ZNF534: variants seen among roughly 807,000 people sequenced by gnomAD.
The protein encoded by ZNF534 is KRAB domain only 3.
Under a neutral mutation model 13.6 loss-of-function variants are expected in ZNF534, and 19 were observed. The observed-to-expected ratio is 1.40, with a 90% CI of 0.97 to 2.05. The LOEUF is 2.05. Ranked by LOEUF, ZNF534 falls within the 30% of genes most tolerant of loss-of-function variation. The probability of loss-of-function intolerance (pLI) is 0.00; values close to 1 mark genes in which losing one functional copy is unlikely to be tolerated. For synonymous variants in ZNF534, 244 were observed against 273.8 expected (o/e 0.89, Z 1.07); for missense variants, 782 against 796.3 (o/e 0.98, Z 0.22).
At position 52,437,908 on chromosome 19, in the gene ZNF534, A is replaced by T; in HGVS notation, c.448A>T (p.Ile150Leu). ...SDNSSVSPVQ[I>L]SFFSVKTHIF... ...CAATTCTTCAGTTTCACCAGTTCAA[A>T]TAAGTTTTTTCAGTGTCAAAACCCA... The change falls in exon 5 of 5, where the codon ATA (isoleucine) becomes TTA (leucine). Residue 150 changes from isoleucine to leucine, a missense_variant. Around this residue, in one of 5 missense-constraint regions of ZNF534, gnomAD observed 591 missense variants for 574.0 expected, o/e 1.03. Coordinates refer to ENST00000433050, the MANE Select transcript of ZNF534 (RefSeq NM_001143938.3). The T allele has an allele frequency of 6.2e-7, 1 of 1,613,218 alleles. No homozygotes were observed. The highest frequency in any genetic ancestry group is 1.7e-4 in the Middle Eastern group (1 of 6,060).
intron 1 of ZNF534, among the ~76,000 whole-genome samples, chr19:52,429,705 C>T (rs937162103): frequency 4.0e-5 from 6 of 151,886 alleles, no homozygotes; most frequent in Admixed American, 1.3e-4. Flanking sequence ...AAGCGATTCT[C>T]CCGCCTGGGC....
At chr19:52,451,834 T>C in exon 5 of ZNF534, 1 of 796,016 alleles carries the variant, frequency 1.3e-6, no homozygotes, top group Non-Finnish European at 2.1e-6. Flanking sequence ...GTGATCGAAT[T>C]GCACAGCTCA....
intron 1 of ZNF534, among the ~76,000 whole-genome samples, chr19:52,430,835 C>T (rs773686401): frequency 6.8e-6 from 1 of 147,482 alleles, no homozygotes; most frequent in African/African-American, 2.6e-5. Context: ...CGTGAACCAC[C>T]ACACATGGCC....
exon 5 of ZNF534, chr19:52,452,086 C>A: frequency 5.7e-6 from 1 of 175,128 alleles, no homozygotes; most frequent in African/African-American, 2.4e-5. Context: ...TTTTTATGAT[C>A]AAAGAAGAGA....
chr19:52,432,092 CTATT>C (rs2059091587), intron 2 of ZNF534, among the ~76,000 whole-genome samples: 1 of 151,608 alleles, frequency 6.6e-6, no homozygotes, highest in African/African-American at 2.4e-5. Flanking sequence ...GAAATTACAT[CTATT>C]TATCAGGATG....
In ZNF534 at chr19:52,440,075, CAAAA is replaced by C. The variant is rs2059162543; in HGVS notation, c.*630_*633del. ...AGGAGCAAAACTCTTTCTTTAAAAA[CAAAA>C]CAAAAAAAGTTATGAAGCCTCACAA... On this transcript the variant is annotated 3_prime_UTR_variant, in exon 5 of 5. Coordinates refer to ENST00000433050, the MANE Select transcript of ZNF534 (RefSeq NM_001143938.3). Among the ~76,000 whole-genome samples, 1 of 151,624 alleles carries C rather than the reference CAAAA, an allele frequency of 6.6e-6. No homozygotes were observed. Among genetic ancestry groups the C allele is most frequent in the Admixed American group, 6.6e-5 (1 of 15,236 alleles).
At chr19:52,431,344 G>T in intron 1 of ZNF534, 64 bp from the exon 2 acceptor site, 3 of 1,217,648 alleles carry the variant, frequency 2.5e-6, no homozygotes, top group Non-Finnish European at 1.2e-6. Flanking sequence ...CTTTTTGTGT[G>T]GCTGTGGCAC....
At chr19:52,451,409 G>A (rs958187298) in exon 5 of ZNF534, 10 of 747,566 alleles carry the variant, frequency 1.3e-5, no homozygotes, top group Admixed American at 4.1e-5. Context: ...CTCAGGGCCG[G>A]GCCCGCCCCT....
At chr19:52,451,602 G>A in exon 5 of ZNF534, 1 of 639,980 alleles carries the variant, frequency 1.6e-6, no homozygotes, top group Non-Finnish European at 2.8e-6. Context: ...GATCTGTACA[G>A]TGCCTGTGAT....
chr19:52,443,610 C>T (rs1181651283), downstream of ZNF534, among the ~76,000 whole-genome samples: 6 of 151,986 alleles, frequency 3.9e-5, no homozygotes, highest in Admixed American at 6.6e-5. Context: ...ATTAGTTGGG[C>T]ATGGTGGTGA....
At chr19:52,435,411 T>C (rs2059122621) in intron 4 of ZNF534, among the ~76,000 whole-genome samples, 1 of 152,138 alleles carries the variant, frequency 6.6e-6, no homozygotes, top group Admixed American at 6.5e-5. Context: ...AGAGCCACAC[T>C]ATTACATAGT....
At chr19:52,434,941 A>G in intron 3 of ZNF534, 140 bp from the exon 4 acceptor site, 1 of 1,088,090 alleles carries the variant, frequency 9.2e-7, no homozygotes, top group Non-Finnish European at 1.3e-6. Context: ...TTCCCTTAGC[A>G]TTCAGAAGGA....
At chr19:52,430,442 C>T (rs999623698) in intron 1 of ZNF534, among the ~76,000 whole-genome samples, 1 of 152,070 alleles carries the variant, frequency 6.6e-6, no homozygotes, top group African/African-American at 2.4e-5. Flanking sequence ...TAGTGCACAT[C>T]GATAAAAGGA....
intron 4 of ZNF534, among the ~76,000 whole-genome samples, chr19:52,437,423 C>G (rs1443556752): frequency 6.6e-6 from 1 of 152,084 alleles, no homozygotes; most frequent in Non-Finnish European, 1.5e-5. Flanking sequence ...TTGAGACCAG[C>G]CTGGCCAACA....
intron 4 of ZNF534, among the ~76,000 whole-genome samples, chr19:52,449,375 T>TCA (rs1296100999): frequency 6.6e-6 from 1 of 151,610 alleles, no homozygotes; most frequent in African/African-American, 2.4e-5. Flanking sequence ...TCTCTCTCTC[T>TCA]CTTTCTCTCT....
chr19:52,449,133 T>C (rs1386818557), intron 4 of ZNF534, among the ~76,000 whole-genome samples: 18 of 152,202 alleles, frequency 1.2e-4, no homozygotes. Flanking sequence ...TTATTTTATT[T>C]AACATAATGA....
exon 5 of ZNF534, chr19:52,451,867 C>A: frequency 2.7e-6 from 2 of 731,252 alleles, no homozygotes; most frequent in South Asian, 1.5e-5. Flanking sequence ...TTTTTTAATC[C>A]AGAAATAGAA....
At chr19:52,433,752 CT>C in intron 2 of ZNF534, 1 of 652,820 alleles carries the variant, frequency 1.5e-6, no homozygotes, top group Non-Finnish European at 2.8e-6. Flanking sequence ...GACATCTACT[CT>C]GATTTAAAGA....
chr19:52,442,706 C>T (rs1023495190), downstream of ZNF534, among the ~76,000 whole-genome samples: 7 of 152,242 alleles, frequency 4.6e-5, no homozygotes, highest in African/African-American at 1.7e-4. Flanking sequence ...AGGCCTTTCA[C>T]TGTGGTCTCT....
Sources: gnomAD v4.1 joint callset for allele counts (sites outside exome capture counted in the v4.1 genomes callset) on GRCh38, gnomAD v4.1.1 for gene constraint, gnomAD v4.1.1 regional missense constraint, MANE v1.5 for transcripts, NCBI Gene and HGNC (gene_info 2026-07-23, HGNC 2026-07-21) for gene names.